Variants in CCDC6 observed in about 807,000 individuals in gnomAD.
CCDC6 encodes coiled-coil domain containing 6.
In CCDC6, 20 loss-of-function variants were observed where a neutral mutation model predicts 56.6. That is an observed-to-expected ratio of 0.35 (90% CI 0.25 to 0.51). CCDC6 has a LOEUF of 0.51. CCDC6 is among the 20% of genes least tolerant of loss of function. The probability of loss-of-function intolerance (pLI) is 0.95; values close to 1 mark genes in which losing one functional copy is unlikely to be tolerated. For missense variants in CCDC6, 367 were observed against 601.1 expected, an observed-to-expected ratio of 0.61 and a Z score of 4.07; for synonymous variants, 241 against 234.4, an observed-to-expected ratio of 1.03 and a Z score of -0.26.
At chr10:59,817,188 TTTC>T (rs1262126685) in intron 3 of CCDC6, among the ~76,000 whole-genome samples, 1 of 152,192 alleles carries the variant, frequency 6.6e-6, no homozygotes, top group Non-Finnish European at 1.5e-5. Flanking sequence ...AGTCATTTCT[TTTC>T]TTTTCTTGAG....
intron 3 of CCDC6, among the ~76,000 whole-genome samples, chr10:59,821,202 A>C (rs1199225990): frequency 6.6e-6 from 1 of 152,224 alleles, no homozygotes; most frequent in African/African-American, 2.4e-5. Flanking sequence ...GAGTTAATCC[A>C]GATTGTACCT....
chr10:59,832,734 C>G lies in CCDC6; in HGVS notation c.454-81G>C, dbSNP rs1312932143. ...ACACTGGCTCCAAAAGGTGACTATA[C>G]AAAGAAGCTATACCACAAAAGTTAC... On this transcript the variant is annotated intron_variant, in intron 2 of 8. Transcript: ENST00000263102. 3.4e-6 allele frequency: 5 copies of G among 1,464,748 alleles called. No individual in the cohort carries two copies. The Admixed American group carries it at 1.0e-4, about 30-fold the overall frequency. 90.7% of individuals were successfully genotyped at this position (1,464,748 alleles called of 1,614,324 possible). A position where few individuals can be genotyped will look rare whatever the true frequency, so the allele number is the denominator to read the frequency against.
intron 7 of CCDC6, among the ~76,000 whole-genome samples, chr10:59,803,549 C>T (rs990847220): frequency 1.3e-5 from 2 of 152,170 alleles, no homozygotes; most frequent in Non-Finnish European, 2.9e-5. Context: ...ATTTTGGTCA[C>T]AAGATGTGAT....
intron 3 of CCDC6, among the ~76,000 whole-genome samples, chr10:59,820,222 G>A (rs2070739201): frequency 6.6e-6 from 1 of 152,146 alleles, no homozygotes; most frequent in Non-Finnish European, 1.5e-5. Flanking sequence ...TCCATTTAAA[G>A]AGGACTACGA....
At chr10:59,824,452 C>G (rs976374867) in intron 3 of CCDC6, among the ~76,000 whole-genome samples, 3 of 152,128 alleles carry the variant, frequency 2.0e-5, no homozygotes, top group African/African-American at 7.2e-5. Flanking sequence ...CCCCACCTCT[C>G]TTGGACAAGC....
At chr10:59,813,086 T>C (rs1479565428) in intron 4 of CCDC6, among the ~76,000 whole-genome samples, 7 of 152,224 alleles carry the variant, frequency 4.6e-5, no homozygotes, top group Admixed American at 4.6e-4. Context: ...CTGATAATTA[T>C]GCCTGGAATA....
intron 5 of CCDC6, among the ~76,000 whole-genome samples, chr10:59,811,811 G>A (rs1203684240): frequency 2.6e-5 from 4 of 152,020 alleles, no homozygotes; most frequent in Admixed American, 6.6e-5. Flanking sequence ...CTCCAGATAC[G>A]AAGGGACAAC....
chr10:59,867,718 T>A (rs72809598), intron 1 of CCDC6, among the ~76,000 whole-genome samples: 3,750 of 152,168 alleles, frequency 0.025, 77 homozygotes, highest in Non-Finnish European at 0.035. Context: ...AATGCCCAGT[T>A]AGCTTTTGTA....
intron 1 of CCDC6, among the ~76,000 whole-genome samples, chr10:59,873,669 T>C (rs966392666): frequency 6.6e-6 from 1 of 152,204 alleles, no homozygotes; most frequent in African/African-American, 2.4e-5. Context: ...CCTCATGGGA[T>C]AAGAGACTGT....
At chr10:59,888,059 G>A (rs935399414) in intron 1 of CCDC6, among the ~76,000 whole-genome samples, 3 of 152,228 alleles carry the variant, frequency 2.0e-5, no homozygotes, top group Admixed American at 6.5e-5. Context: ...CATAGATGCT[G>A]CTCAAGCTGC....
rs1238015653 is a variant in CCDC6, at chr10:59,819,932, T to C, written c.583-5177A>G. ...CTGCTTTGTAATTAAGTCAGTTCAATGAACTGCCAAATTCTTTACTCCTCT... is the reference window on the plus strand; with the variant it reads ...CTGCTTTGTAATTAAGTCAGTTCAACGAACTGCCAAATTCTTTACTCCTCT... On this transcript the variant is annotated intron_variant, in intron 3 of 8. Transcript: ENST00000263102. Among the ~76,000 whole-genome samples the C allele has an allele frequency of 3.9e-5, 6 of 152,214 alleles. No homozygotes were observed. The East Asian group carries it at 1.2e-3, about 29-fold the overall frequency.
At position 59,793,082 on chromosome 10, in the gene CCDC6, A is replaced by C; in HGVS notation, c.1260T>G (p.Pro420=). 1 of 1,614,152 alleles carries C rather than the reference A, an allele frequency of 6.2e-7. No homozygotes were observed. Among genetic ancestry groups the C allele is most frequent in the African/African-American group, 1.3e-5 (1 of 75,048 alleles). Residue 420 remains proline, a synonymous_variant, in exon 9 of 9, where the codon CCT becomes CCG. Transcript: ENST00000263102. The part of the protein sequence containing the change: ...TRPSPRRSNS[P]DKFKRPTPPP... The stretch of plus-strand genomic sequence containing the variant: ...GCGGCGTGGGCCGTTTGAATTTGTC[A>C]GGACTGTTGCTTCTCCGTGGTGAAG...
At chr10:59,904,930 T>C (rs1303041483) in intron 1 of CCDC6, among the ~76,000 whole-genome samples, 2 of 152,240 alleles carry the variant, frequency 1.3e-5, no homozygotes, top group Admixed American at 6.5e-5. Context: ...AGGGGCATCC[T>C]AAACTTGCTC....
intron 1 of CCDC6, among the ~76,000 whole-genome samples, chr10:59,880,608 A>G (rs1192636029): frequency 6.6e-6 from 1 of 152,164 alleles, no homozygotes; most frequent in African/African-American, 2.4e-5. Flanking sequence ...TGTGAAAATG[A>G]ATCAAAATGT....
intron 1 of CCDC6, among the ~76,000 whole-genome samples, chr10:59,865,114 A>T (rs2071166230): frequency 6.6e-6 from 1 of 152,134 alleles, no homozygotes; most frequent in Non-Finnish European, 1.5e-5. Context: ...TTTACGAGAA[A>T]CCTATCAATG....
At chr10:59,905,993 C>A in intron 1 of CCDC6, 129 bp downstream of exon 1, 1 of 810,110 alleles carries the variant, frequency 1.2e-6, no homozygotes, top group Non-Finnish European at 1.9e-6. Flanking sequence ...AGCAGGTCCC[C>A]GCAGGGAGTG....
intron 1 of CCDC6, among the ~76,000 whole-genome samples, chr10:59,899,468 C>T (rs895590896): frequency 6.6e-6 from 1 of 152,220 alleles, no homozygotes; most frequent in Non-Finnish European, 1.5e-5. Flanking sequence ...CACACACACA[C>T]AAATACACTG....
chr10:59,879,694 C>A (rs566695389), intron 1 of CCDC6, among the ~76,000 whole-genome samples: 1 of 152,160 alleles, frequency 6.6e-6, no homozygotes, highest in Non-Finnish European at 1.5e-5. Context: ...ATCACAGAAT[C>A]GCTCCCACTT....
intron 1 of CCDC6, among the ~76,000 whole-genome samples, chr10:59,859,538 G>A (rs187849604): frequency 4.3e-4 from 66 of 152,200 alleles, no homozygotes; most frequent in African/African-American, 1.4e-3. Flanking sequence ...ATTCATCTTG[G>A]GTTTTCCATT....
Sources: allele counts gnomAD v4.1 joint callset (sites outside exome capture counted in the v4.1 genomes callset), GRCh38; gene constraint gnomAD v4.1.1; transcripts MANE v1.5; gene names NCBI Gene and HGNC (gene_info 2026-07-23, HGNC 2026-07-21).